The following HHAT variants were observed in gnomAD, a reference collection of about 807,000 sequenced individuals.
HHAT encodes protein-cysteine N-palmitoyltransferase HHAT.
In HHAT, 47 loss-of-function variants were observed where a neutral mutation model predicts 70.8. The observed-to-expected ratio is 0.66, with a 90% confidence interval of 0.53 to 0.85. HHAT has a LOEUF of 0.85. Ranked by LOEUF, HHAT falls within the 40% of genes least tolerant of loss-of-function variation. The pLI is 0.00. For synonymous variants in HHAT, 228 were observed against 247.6 expected (o/e 0.92, Z 0.74); for missense variants, 609 against 604.8 (o/e 1.01, Z -0.07).
intron 3 of HHAT, among the ~76,000 whole-genome samples, chr1:210,373,987 A>G (rs1025910475): frequency 6.6e-6 from 1 of 152,222 alleles, no homozygotes; most frequent in Non-Finnish European, 1.5e-5. Flanking sequence ...AAAGTTACAC[A>G]GACTTTTATC....
In HHAT at chr1:210,329,026, G is replaced by A. The variant is rs539377147; in HGVS notation, c.-122G>A. ...GCCGCCGCCGATGTCGCTGGGACTCGGAAGTGCCGAAAGAGGGGTGTTGGG... is the reference window on the plus strand; with the variant it reads ...GCCGCCGCCGATGTCGCTGGGACTCAGAAGTGCCGAAAGAGGGGTGTTGGG... On this transcript the variant is annotated 5_prime_UTR_variant, in exon 1 of 12. Coordinates refer to ENST00000261458, the MANE Select transcript of HHAT (RefSeq NM_018194.6). 1.4e-6 allele frequency: 2 copies of A among 1,418,104 alleles called. No individual in the cohort carries two copies. The highest frequency in any genetic ancestry group is 6.1e-5 in the East Asian group (2 of 32,936). 87.8% of individuals were successfully genotyped at this position (1,418,104 alleles called of 1,614,324 possible).
At chr1:210,622,235 G>A (rs546157825) in intron 10 of HHAT, among the ~76,000 whole-genome samples, 18 of 152,290 alleles carry the variant, frequency 1.2e-4, no homozygotes, top group South Asian at 4.1e-4. Flanking sequence ...TAGGGTGCAC[G>A]TGACCCTAGA....
intron 2 of HHAT, among the ~76,000 whole-genome samples, chr1:210,350,666 C>T (rs2086937934): frequency 6.6e-6 from 1 of 152,158 alleles, no homozygotes; most frequent in Admixed American, 6.5e-5. Flanking sequence ...TCAGTTCTTT[C>T]AGATTTTCTA....
chr1:210,634,224 A>G (rs1327773919), intron 11 of HHAT, among the ~76,000 whole-genome samples: 2 of 152,202 alleles, frequency 1.3e-5, no homozygotes, highest in Non-Finnish European at 2.9e-5. Flanking sequence ...GGGATAGAAC[A>G]TTCCGCCCAG....
intron 11 of HHAT, among the ~76,000 whole-genome samples, chr1:210,650,005 A>G (rs899433011): frequency 2.6e-5 from 4 of 152,248 alleles, no homozygotes; most frequent in African/African-American, 7.2e-5. Context: ...TGAGATGTCA[A>G]AGAACATTCT....
At chr1:210,639,369 G>GT (rs1384547871) in intron 11 of HHAT, among the ~76,000 whole-genome samples, 1 of 152,212 alleles carries the variant, frequency 6.6e-6, no homozygotes, top group African/African-American at 2.4e-5. Flanking sequence ...CATCATGCTA[G>GT]TTTGGCATTT....
chr1:210,646,837 T>C (rs1331143388), intron 11 of HHAT, among the ~76,000 whole-genome samples: 2 of 152,242 alleles, frequency 1.3e-5, no homozygotes, highest in African/African-American at 4.8e-5. Flanking sequence ...AAAATAATTC[T>C]GAGAAATTAA....
intron 7 of HHAT, 74 bp downstream of exon 7, chr1:210,418,399 G>C (rs201493338): frequency 4.0e-5 from 9 of 223,664 alleles, no homozygotes; most frequent in Non-Finnish European, 5.5e-5. Flanking sequence ...GAGCTGGAGT[G>C]GGGGGTGAGC....
intron 9 of HHAT, among the ~76,000 whole-genome samples, chr1:210,525,709 A>G (rs899861813): frequency 1.1e-4 from 17 of 152,242 alleles, no homozygotes; most frequent in Admixed American, 9.2e-4. Flanking sequence ...ATATAGCTTT[A>G]TCAATACAGA....
At chr1:210,468,033 C>G (rs2094138433) in intron 8 of HHAT, among the ~76,000 whole-genome samples, 1 of 152,082 alleles carries the variant, frequency 6.6e-6, no homozygotes. Context: ...AAGTTAGAAC[C>G]TGATGGGTTT....
In HHAT at chr1:210,658,559, A is replaced by G. The variant is rs555265063; in HGVS notation, c.1391-15729A>G. Among the ~76,000 whole-genome samples the G allele has an allele frequency of 3.9e-5, 6 of 152,244 alleles. No individual in the cohort carries two copies. The South Asian group carries it at 1.2e-3, about 32-fold the overall frequency. Reference sequence around the variant, plus strand: ...TGTCTCATTGATCTGTCTAATATTGACATTGGGGTGTTCTGTACCAAGCAG... The same window carrying G: ...TGTCTCATTGATCTGTCTAATATTGGCATTGGGGTGTTCTGTACCAAGCAG... On this transcript the variant is annotated intron_variant, in intron 11 of 11. Coordinates refer to ENST00000261458, the MANE Select transcript of HHAT (RefSeq NM_018194.6).
intron 9 of HHAT, among the ~76,000 whole-genome samples, chr1:210,578,134 G>A (rs934979176): frequency 6.6e-6 from 1 of 152,082 alleles, no homozygotes; most frequent in African/African-American, 2.4e-5. Flanking sequence ...ACTTTTCTTT[G>A]TTGTGAGGTT....
intron 1 of HHAT, among the ~76,000 whole-genome samples, chr1:210,346,342 G>A (rs1305233995): frequency 6.6e-6 from 1 of 152,134 alleles, no homozygotes; most frequent in African/African-American, 2.4e-5. Context: ...TTTGACAGGC[G>A]AGACATTAAA....
chr1:210,438,338 A>G (rs928803108), intron 7 of HHAT, among the ~76,000 whole-genome samples: 1 of 151,766 alleles, frequency 6.6e-6, no homozygotes, highest in Admixed American at 6.6e-5. Context: ...CACCTGGTGA[A>G]TGAATTAGAG....
intron 11 of HHAT, among the ~76,000 whole-genome samples, chr1:210,658,680 G>C (rs1024182601): frequency 2.0e-5 from 3 of 152,124 alleles, no homozygotes; most frequent in Admixed American, 6.5e-5. Context: ...TGACCACATA[G>C]TTGGAAGTGA....
chr1:210,564,323 C>T (rs560036703), intron 9 of HHAT, among the ~76,000 whole-genome samples: 18 of 152,254 alleles, frequency 1.2e-4, no homozygotes, highest in African/African-American at 4.3e-4. Flanking sequence ...AGTTAAGAGA[C>T]AGAACCATGA....
chr1:210,652,833 G>T (rs1156682266), intron 11 of HHAT, among the ~76,000 whole-genome samples: 1 of 152,180 alleles, frequency 6.6e-6, no homozygotes, highest in Non-Finnish European at 1.5e-5. Context: ...TACTACACCA[G>T]GTTGGCATAG....
At chr1:210,610,549 G>A (rs113615542) in intron 10 of HHAT, among the ~76,000 whole-genome samples, 1,767 of 152,190 alleles carry the variant, frequency 0.012, 42 homozygotes, top group African/African-American at 0.04. Flanking sequence ...TTTTGCTTTC[G>A]TTGCAATTGC....
At position 210,674,442 on chromosome 1, in the gene HHAT, C is replaced by A. The variant is rs1558409733; in HGVS notation, c.*63C>A. The A allele has an allele frequency of 7.7e-7, 1 of 1,298,786 alleles. No homozygotes were observed. Among genetic ancestry groups the A allele is most frequent in the Non-Finnish European group, 1.1e-6 (1 of 899,588 alleles). 80.5% of individuals were successfully genotyped at this position (1,298,786 alleles called of 1,614,324 possible). On this transcript the variant is annotated 3_prime_UTR_variant, in exon 12 of 12. Coordinates refer to ENST00000261458, the MANE Select transcript of HHAT (RefSeq NM_018194.6). ...CAAGGCAAATAGTGCTTCACCCTGA[C>A]CTCTCACTCCAGGACAGCCTCTAAG...
Sources: allele counts gnomAD v4.1 joint callset (sites outside exome capture counted in the v4.1 genomes callset), GRCh38; gene constraint gnomAD v4.1.1; transcripts MANE v1.5; gene names NCBI Gene and HGNC (gene_info 2026-07-23, HGNC 2026-07-21).